The following TBL1XR1 variants were observed in gnomAD, a reference collection of about 807,000 sequenced individuals.
TBL1XR1 encodes the protein F-box-like/WD repeat-containing protein TBL1XR1.
Under a neutral mutation model 66.9 loss-of-function variants are expected in TBL1XR1, and 5 were observed. The observed-to-expected ratio is 0.07, with a 90% CI of 0.04 to 0.16. The LOEUF (loss-of-function observed/expected upper bound fraction) is 0.16. TBL1XR1 is among the 10% of genes least tolerant of loss of function. The pLI, the probability that TBL1XR1 is intolerant of heterozygous loss-of-function variation, is 1.00. For missense variants in TBL1XR1, 238 were observed against 623.2 expected (o/e 0.38, Z 6.58); for synonymous variants, 210 against 206.0 (o/e 1.02, Z -0.17).
chr3:177,138,762 G>C (rs62296582), intron 1 of TBL1XR1, among the ~76,000 whole-genome samples: 5,816 of 152,052 alleles, frequency 0.038, 218 homozygotes, highest in African/African-American at 0.088. Context: ...GAAAAAGGAG[G>C]GAAAGAGGAA....
chr3:177,025,480 GGCTTCCAACTAGTAGC>G lies in TBL1XR1; in HGVS notation c.*2_*17del. ...ATGTACACATTCATAGTCGGTCCAT[GGCTTCCAACTAGTAGC>G]GCTATTTCCGAAGGTCTAATACACA... On this transcript the variant is annotated 3_prime_UTR_variant, in exon 16 of 16. Coordinates refer to ENST00000457928, the MANE Select transcript of TBL1XR1 (RefSeq NM_024665.7). The G allele has an allele frequency of 6.2e-7, 1 of 1,611,992 alleles. No individual in the cohort carries two copies. Among genetic ancestry groups the G allele is most frequent in the Non-Finnish European group, 8.5e-7 (1 of 1,179,328 alleles).
intron 1 of TBL1XR1, among the ~76,000 whole-genome samples, chr3:177,156,728 T>C (rs552301020): frequency 9.2e-5 from 14 of 152,112 alleles, no homozygotes; most frequent in Admixed American, 7.2e-4. Flanking sequence ...TCCTCAGAAG[T>C]AAAAACTAAA....
In TBL1XR1 at chr3:177,192,919, G is replaced by A. The variant is rs556783535; in HGVS notation, c.-122+4202C>T. Among the ~76,000 whole-genome samples, 76 of 152,170 alleles carry A rather than the reference G, an allele frequency of 5.0e-4. 1 individual carries two copies. Among genetic ancestry groups the A allele is most frequent in the African/African-American group, 1.6e-3 (66 of 41,508 alleles). On this transcript the variant is annotated intron_variant, in intron 1 of 15. Transcript: ENST00000457928. The stretch of plus-strand genomic sequence containing the variant: ...TATAATCCCAGCCCTTTGGGAGGCC[G>A]AGGCAGGCACGTTACCTGAGGTCAG...
At chr3:177,186,024 AATAAAT>A (rs1030533078) in intron 1 of TBL1XR1, among the ~76,000 whole-genome samples, 2 of 152,188 alleles carry the variant, frequency 1.3e-5, no homozygotes, top group African/African-American at 2.4e-5. Context: ...TAAATAAATA[AATAAAT>A]ATAAGTAAAT....
chr3:177,036,395 C>T (rs1462518951), intron 12 of TBL1XR1, among the ~76,000 whole-genome samples: 2 of 152,176 alleles, frequency 1.3e-5, no homozygotes, highest in South Asian at 2.1e-4. Context: ...TCTCAGAAAA[C>T]GGCCCATTAC....
intron 1 of TBL1XR1, among the ~76,000 whole-genome samples, chr3:177,127,420 G>A (rs1727772594): frequency 6.6e-6 from 1 of 152,020 alleles, no homozygotes; most frequent in South Asian, 2.1e-4. Context: ...AAGAACACAG[G>A]GGACCTAATG....
chr3:177,144,481 C>T (rs893684368), intron 1 of TBL1XR1, among the ~76,000 whole-genome samples: 1 of 150,790 alleles, frequency 6.6e-6, no homozygotes, highest in Non-Finnish European at 1.5e-5. Context: ...TGGCCGGGCG[C>T]GGTGGCTCAC....
chr3:177,092,904 T>C (rs1329860395), intron 2 of TBL1XR1, among the ~76,000 whole-genome samples: 1 of 152,046 alleles, frequency 6.6e-6, no homozygotes, highest in African/African-American at 2.4e-5. Flanking sequence ...AACAGATGAA[T>C]GGATAAAGAA....
At chr3:177,112,010 C>A (rs1346642430) in intron 1 of TBL1XR1, among the ~76,000 whole-genome samples, 2 of 139,608 alleles carry the variant, frequency 1.4e-5, no homozygotes, top group African/African-American at 5.3e-5. Context: ...AGAACTAGGC[C>A]CTGAAACGAA....
At chr3:177,193,070 T>C (rs1196588138) in intron 1 of TBL1XR1, among the ~76,000 whole-genome samples, 2 of 151,742 alleles carry the variant, frequency 1.3e-5, no homozygotes, top group African/African-American at 2.4e-5. Context: ...GGAGAATCAC[T>C]TGAACCCAGG....
At chr3:177,200,208 G>A (rs1398528072), upstream of TBL1XR1, among the ~76,000 whole-genome samples, 1 of 152,176 alleles carries the variant, frequency 6.6e-6, no homozygotes, top group Non-Finnish European at 1.5e-5. Flanking sequence ...CCGACCTCAA[G>A]TCATCTGCCT....
chr3:177,045,750 A>G (rs1280420989), intron 10 of TBL1XR1, among the ~76,000 whole-genome samples: 3 of 152,098 alleles, frequency 2.0e-5, no homozygotes, highest in Non-Finnish European at 4.4e-5. Flanking sequence ...TATTATTATT[A>G]TCCCTCATTT....
rs181409198 is a variant in TBL1XR1 at position 177,056,674 on chromosome 3, C to T, written c.59-2756G>A. Among the ~76,000 whole-genome samples, 5 of 152,216 alleles carry T rather than the reference C, an allele frequency of 3.3e-5. No homozygotes were observed. In the East Asian group the frequency reaches 9.6e-4, roughly 29 times the overall value. The stretch of plus-strand genomic sequence containing the variant: ...GTTCAAAATCAATTTTCTTCTTCCC[C>T]TCCCTAAAACTACTTTTCCTTAGAA... On this transcript the variant is annotated intron_variant, in intron 3 of 15. Coordinates refer to ENST00000457928, the MANE Select transcript of TBL1XR1 (RefSeq NM_024665.7).
At chr3:177,091,079 G>T (rs1044916596) in intron 2 of TBL1XR1, 16 of 151,774 alleles carry the variant, frequency 1.1e-4, no homozygotes, top group African/African-American at 3.6e-4. Flanking sequence ...TAGGGGAGGG[G>T]AGGGACAAGC....
chr3:177,115,911 A>G (rs941047834), intron 1 of TBL1XR1, among the ~76,000 whole-genome samples: 20 of 152,172 alleles, frequency 1.3e-4, no homozygotes, highest in African/African-American at 4.8e-4. Flanking sequence ...AGAGGCAGCC[A>G]TATTGATCAG....
chr3:177,064,791 G>C, intron 3 of TBL1XR1, 129 bp downstream of exon 3: 1 of 654,602 alleles, frequency 1.5e-6, no homozygotes, highest in African/African-American at 1.9e-5. Context: ...GCTTTAAAAT[G>C]GCAGTCCAGA....
chr3:177,187,657 A>G (rs1236446684), intron 1 of TBL1XR1, among the ~76,000 whole-genome samples: 1 of 152,156 alleles, frequency 6.6e-6, no homozygotes, highest in Non-Finnish European at 1.5e-5. Context: ...AAAAAACAAA[A>G]GCATCCACTC....
intron 1 of TBL1XR1, among the ~76,000 whole-genome samples, chr3:177,136,723 T>A (rs1729039480): frequency 6.6e-6 from 1 of 152,168 alleles, no homozygotes; most frequent in South Asian, 2.1e-4. Flanking sequence ...AAGTACCATA[T>A]TTCTCCCCTG....
intron 1 of TBL1XR1, among the ~76,000 whole-genome samples, chr3:177,113,241 G>A (rs1725876036): frequency 6.6e-6 from 1 of 152,052 alleles, no homozygotes; most frequent in Admixed American, 6.5e-5. Flanking sequence ...AAAGACTTAA[G>A]CATAAGACTC....
Sources: gnomAD v4.1 joint callset for allele counts (sites outside exome capture counted in the v4.1 genomes callset) on GRCh38, gnomAD v4.1.1 for gene constraint, MANE v1.5 for transcripts, NCBI Gene and HGNC (gene_info 2026-07-23, HGNC 2026-07-21) for gene names.